Variants in ZNF682 observed in about 807,000 individuals in gnomAD.
ZNF682 encodes zinc finger protein 682.
Under a neutral mutation model 36.5 loss-of-function variants are expected in ZNF682, and 29 were observed. The ratio of observed to expected loss-of-function variants is 0.80; its 90% CI spans 0.59 to 1.08. ZNF682 has a LOEUF of 1.08. ZNF682 is among the 50% of genes least tolerant of loss of function. ZNF682 has a pLI of 0.00. For synonymous variants in ZNF682, 180 were observed against 197.0 expected, an observed-to-expected ratio of 0.91 and a Z score of 0.72; for missense variants, 561 against 579.7, an observed-to-expected ratio of 0.97 and a Z score of 0.33.
At chr19:20,036,061 G>C (rs2088526380) in intron 1 of ZNF682, among the ~76,000 whole-genome samples, 1 of 152,078 alleles carries the variant, frequency 6.6e-6, no homozygotes, top group South Asian at 2.1e-4. Context: ...AATTTAAATG[G>C]ATGCAGTTTG....
chr19:19,997,091 G>A lies in ZNF682; in HGVS notation c.*150C>T, dbSNP rs1044860806. ...AGGAAAAAAAAAAAAACCCAGAATA[G>A]TGGCAGCTCTGCTATAAGCCAGTGC... On this transcript the variant is annotated 3_prime_UTR_variant, in exon 4 of 4. Coordinates refer to the ZNF682 transcript ENST00000596019. 29 of 392,936 alleles carry A rather than the reference G, an allele frequency of 7.4e-5. No homozygotes were observed. In the East Asian group the frequency reaches 1.0e-3, roughly 14 times the overall value. 24.3% of individuals were successfully genotyped at this position (392,936 alleles called of 1,614,324 possible). A position where few individuals can be genotyped will look rare whatever the true frequency, so the allele number is the denominator to read the frequency against.
At chr19:20,009,830 G>A (rs1194088396) in intron 3 of ZNF682, among the ~76,000 whole-genome samples, 2 of 152,020 alleles carry the variant, frequency 1.3e-5, no homozygotes, top group Non-Finnish European at 2.9e-5. Flanking sequence ...AGACCACCCT[G>A]GGCATCATGG....
At chr19:20,031,745 A>G (rs1456885341) in intron 1 of ZNF682, among the ~76,000 whole-genome samples, 1 of 152,194 alleles carries the variant, frequency 6.6e-6, no homozygotes, top group African/African-American at 2.4e-5. Flanking sequence ...GATCAAGACC[A>G]TCCTGGCTAA....
intron 3 of ZNF682, among the ~76,000 whole-genome samples, chr19:20,014,497 C>T (rs1362689478): frequency 1.3e-5 from 2 of 151,790 alleles, no homozygotes; most frequent in Non-Finnish European, 1.5e-5. Flanking sequence ...TTGGGTCGGA[C>T]GTGTAGGTTC....
chr19:20,023,975 T>C (rs1430637980), intron 2 of ZNF682, among the ~76,000 whole-genome samples: 1 of 151,974 alleles, frequency 6.6e-6, no homozygotes, highest in Non-Finnish European at 1.5e-5. Context: ...AGCTAGACTC[T>C]GTCTCAAAAA....
intron 3 of ZNF682, among the ~76,000 whole-genome samples, chr19:20,012,545 A>G (rs548790377): frequency 6.6e-6 from 1 of 152,296 alleles, no homozygotes; most frequent in East Asian, 1.9e-4. Context: ...AGGCGGGTGG[A>G]TCACGAGGTC....
In ZNF682 at chr19:20,023,085, T is replaced by C. The variant is rs1179568984; in HGVS notation, c.145A>G (p.Lys49Glu). ...NLVSLGLTVSKPELISRLEQR... is the reference protein window; with the variant it reads ...NLVSLGLTVSEPELISRLEQR... The stretch of plus-strand genomic sequence containing the variant: ...TCCAGACGGCTAATCAGTTCTGGCT[T>C]AGAAACAGTAAGACCTGTTTTATTA... Residue 49 changes from lysine to glutamate, a missense_variant, in exon 3 of 4, where the codon AAG (lysine) becomes GAG (glutamate). Coordinates refer to ENST00000397165, the MANE Select transcript of ZNF682 (RefSeq NM_033196.3). 3 of 1,613,790 alleles carry C rather than the reference T, an allele frequency of 1.9e-6. No individual in the cohort carries two copies. Among genetic ancestry groups the C allele is most frequent in the Non-Finnish European group, 2.5e-6 (3 of 1,179,786 alleles).
chr19:20,033,200 G>C (rs546301396), intron 1 of ZNF682, among the ~76,000 whole-genome samples: 2 of 151,258 alleles, frequency 1.3e-5, no homozygotes, highest in Admixed American at 6.6e-5. Flanking sequence ...TTGAACCTGG[G>C]AGGTGGAGGT....
intron 3 of ZNF682, among the ~76,000 whole-genome samples, chr19:19,998,833 ATAAT>A (rs1325228054): frequency 6.6e-6 from 1 of 152,186 alleles, no homozygotes; most frequent in Non-Finnish European, 1.5e-5. Context: ...ACAGAAATAG[ATAAT>A]TAAACAGAAA....
At chr19:20,033,575 T>C (rs2041606) in intron 1 of ZNF682, 119,565 of 152,314 alleles carry the variant, frequency 0.78, 47,075 homozygotes, top group Middle Eastern at 0.87. Flanking sequence ...CTTTTTGAGA[T>C]GGAGTCTCGC....
chr19:20,026,595 A>G (rs1287787610), intron 1 of ZNF682, among the ~76,000 whole-genome samples: 2 of 152,044 alleles, frequency 1.3e-5, no homozygotes, highest in Non-Finnish European at 2.9e-5. Flanking sequence ...CCTTCCAAGT[A>G]GCTGGACCAC....
chr19:20,023,986 A>G (rs2088410012), intron 2 of ZNF682, among the ~76,000 whole-genome samples: 1 of 152,064 alleles, frequency 6.6e-6, no homozygotes, highest in African/African-American at 2.4e-5. Context: ...GTCTCAAAAA[A>G]TAAAATAAAA....
chr19:20,018,362 G>A (rs1271021472), intron 3 of ZNF682, among the ~76,000 whole-genome samples: 1 of 151,956 alleles, frequency 6.6e-6, no homozygotes, highest in Non-Finnish European at 1.5e-5. Context: ...CCAAAGTGCT[G>A]GGATTACAGG....
Position 20,004,860 on chromosome 19 carries a change from T to C in ZNF682, c.*1145A>G, listed in dbSNP as rs1295688328. 1 of 152,214 alleles carries C rather than the reference T, an allele frequency of 6.6e-6. No homozygotes were observed. Among genetic ancestry groups the C allele is most frequent in the Non-Finnish European group, 1.5e-5 (1 of 68,042 alleles). The allele number at this position is 152,214 out of a possible 1,614,324, so 9.4% of individuals were successfully genotyped here. ...AAAAAGTGTACTTTGAATATAATTGTTTAAGTCTCAAAATATTAATCTCCT... is the reference window on the plus strand; with the variant it reads ...AAAAAGTGTACTTTGAATATAATTGCTTAAGTCTCAAAATATTAATCTCCT... On this transcript the variant is annotated 3_prime_UTR_variant, in exon 4 of 4. Transcript: ENST00000397165.
chr19:20,002,380 C>A (rs1266854314), downstream of ZNF682, among the ~76,000 whole-genome samples: 1 of 151,934 alleles, frequency 6.6e-6, no homozygotes, highest in Non-Finnish European at 1.5e-5. Flanking sequence ...CGATCTTTGT[C>A]CTTCACACAG....
In ZNF682 at chr19:20,007,109, A is replaced by T; in HGVS notation, c.393T>A (p.Asn131Lys). 1 of 1,613,580 alleles carries T rather than the reference A, an allele frequency of 6.2e-7. No homozygotes were observed. Among genetic ancestry groups the T allele is most frequent in the Non-Finnish European group, 8.5e-7 (1 of 1,179,990 alleles). Residue 131 changes from asparagine (N) to lysine (K), a missense_variant, in exon 4 of 4, where the codon AAT (asparagine) becomes AAA (lysine). Asn to Lys is a moderately conservative substitution (Grantham distance 94, BLOSUM62 0). Coordinates refer to ENST00000397165, the MANE Select transcript of ZNF682 (RefSeq NM_033196.3). ...GECKDQKEIY[N>K]GLNQCLSTLP... ...GAGTTGACAAACATTGGTTAAGTCC[A>T]TTATAAATTTCTTTTTGATCCTTAC...
downstream of ZNF682, among the ~76,000 whole-genome samples, chr19:19,999,418 A>G (rs556251059): frequency 1.5e-3 from 163 of 110,698 alleles, 1 homozygote; most frequent in African/African-American, 5.4e-3. Context: ...TTTGCTTAAG[A>G]GATTTTTTAA....
intron 1 of ZNF682, among the ~76,000 whole-genome samples, chr19:20,025,804 T>C (rs2088426517): frequency 6.6e-6 from 1 of 152,080 alleles, no homozygotes; most frequent in African/African-American, 2.4e-5. Context: ...AAGTAAATTA[T>C]AACCTGAATC....
intron 3 of ZNF682, among the ~76,000 whole-genome samples, chr19:20,009,640 T>C (rs557102645): frequency 4.6e-5 from 7 of 152,292 alleles, no homozygotes; most frequent in African/African-American, 1.4e-4. Context: ...AGGGCCATAT[T>C]ACCTAAAAAA....
Sources: gnomAD v4.1 joint callset for allele counts (sites outside exome capture counted in the v4.1 genomes callset) on GRCh38, gnomAD v4.1.1 for gene constraint, MANE v1.5 for transcripts, NCBI Gene and HGNC (gene_info 2026-07-23, HGNC 2026-07-21) for gene names.